Variants in ADAMTSL3 observed in about 807,000 individuals in gnomAD.
ADAMTSL3 encodes ADAMTS-like protein 3.
In ADAMTSL3, 128 loss-of-function variants were observed where a neutral mutation model predicts 201.7. The ratio of observed to expected loss-of-function variants is 0.63; its 90% confidence interval spans 0.55 to 0.73. The LOEUF (loss-of-function observed/expected upper bound fraction) is 0.73, where lower values mean the gene tolerates loss of function less well. Ranked by LOEUF, ADAMTSL3 falls within the 30% of genes least tolerant of loss-of-function variation. The pLI, the probability that ADAMTSL3 is intolerant of heterozygous loss-of-function variation, is 0.00. For missense variants in ADAMTSL3, 1,990 were observed against 2,119.6 expected (o/e 0.94, Z 1.20); for synonymous variants, 738 against 748.4 (o/e 0.99, Z 0.23).
intron 3 of ADAMTSL3, among the ~76,000 whole-genome samples, chr15:83,752,593 T>C (rs2062654463): frequency 6.6e-6 from 1 of 152,228 alleles, no homozygotes; most frequent in Non-Finnish European, 1.5e-5. Context: ...TATATCTTTC[T>C]AATGTCTATT....
rs774569955 is a variant in ADAMTSL3 at position 83,991,083 on chromosome 15, A to C, written c.3845-3A>C. 6.2e-7 allele frequency: 1 copy of C among 1,614,200 alleles called. No homozygotes were observed. Among genetic ancestry groups the C allele is most frequent in the Non-Finnish European group, 8.5e-7 (1 of 1,180,012 alleles). On this transcript the variant is annotated splice_polypyrimidine_tract_variant and splice_region_variant and intron_variant, in intron 22 of 29. Transcript: ENST00000286744. The stretch of plus-strand genomic sequence containing the variant: ...CATAGTTTCCTGCTCCCTTTGAATT[A>C]AGAGGCACCTGTCATCTTGTCTGTT...
chr15:83,949,194 C>T (rs1402399235), intron 19 of ADAMTSL3, among the ~76,000 whole-genome samples: 1 of 152,024 alleles, frequency 6.6e-6, no homozygotes, highest in Non-Finnish European at 1.5e-5. Context: ...CATCCTTCTA[C>T]TCTCTATCTC....
chr15:83,801,637 A>AATATATAT lies in ADAMTSL3; in HGVS notation c.318-3006_318-3005insTATATATA, dbSNP rs1212487067. ...AGGTCAATGAAATTTTATATATATAAATATATAAATATAAATATATATATA... is the reference window on the plus strand; with the variant it reads ...AGGTCAATGAAATTTTATATATATAAATATATATATATATAAATATAAATATATATATA... On this transcript the variant is annotated intron_variant, in intron 4 of 29. Coordinates refer to ENST00000286744, the MANE Select transcript of ADAMTSL3 (RefSeq NM_207517.3). Among the ~76,000 whole-genome samples the AATATATAT allele has an allele frequency of 9.4e-5, 5 of 53,330 alleles. No individual in the cohort carries two copies. In the South Asian group the frequency reaches 2.0e-3, roughly 21 times the overall value. The allele number at this position is 53,330 out of a possible 152,430, so 35.0% of individuals were successfully genotyped here.
intron 15 of ADAMTSL3, among the ~76,000 whole-genome samples, chr15:83,907,535 A>T (rs1430933770): frequency 1.3e-5 from 2 of 152,112 alleles, no homozygotes; most frequent in Admixed American, 1.3e-4. Context: ...TAGTAGCTAG[A>T]ACTGCAGGCA....
intron 2 of ADAMTSL3, among the ~76,000 whole-genome samples, chr15:83,695,255 T>TATGGATG (rs2061671594): frequency 4.6e-3 from 1 of 216 alleles, no homozygotes; most frequent in Non-Finnish European, 9.4e-3. Context: ...TGTGTGTGTG[T>TATGGATG]GTGTGTGGTG....
At chr15:83,927,600 A>C (rs2066273055) in intron 17 of ADAMTSL3, among the ~76,000 whole-genome samples, 1 of 152,238 alleles carries the variant, frequency 6.6e-6, no homozygotes, top group African/African-American at 2.4e-5. Context: ...GAAATGTGCT[A>C]ATAAATATAT....
chr15:84,027,336 T>A (rs2068327914), intron 27 of ADAMTSL3, among the ~76,000 whole-genome samples: 1 of 152,192 alleles, frequency 6.6e-6, no homozygotes, highest in African/African-American at 2.4e-5. Context: ...AATGTTAGAT[T>A]AGATCTATTA....
chr15:84,036,567 G>A (rs954010404), intron 28 of ADAMTSL3, among the ~76,000 whole-genome samples: 8 of 152,124 alleles, frequency 5.3e-5, no homozygotes, highest in African/African-American at 1.9e-4. Context: ...CTAAGCAGGC[G>A]CACTCCACCC....
At chr15:83,804,524 G>A (rs1040073576) in intron 4 of ADAMTSL3, 126 bp from the exon 5 acceptor site, 2 of 620,356 alleles carry the variant, frequency 3.2e-6, no homozygotes, top group South Asian at 2.2e-5. Context: ...AATCTTTGGG[G>A]TAATGTGCAC....
intron 3 of ADAMTSL3, among the ~76,000 whole-genome samples, chr15:83,741,553 G>C (rs955888992): frequency 1.3e-5 from 2 of 152,066 alleles, no homozygotes; most frequent in Non-Finnish European, 2.9e-5. Context: ...AAAGACATGT[G>C]AAATTATAAG....
At position 83,688,777 on chromosome 15, in the gene ADAMTSL3, CACACAT is replaced by C. The variant is rs774802422; in HGVS notation, c.70-15606_70-15601del. On this transcript the variant is annotated intron_variant, in intron 2 of 29. Coordinates refer to ENST00000286744, the MANE Select transcript of ADAMTSL3 (RefSeq NM_207517.3). The stretch of plus-strand genomic sequence containing the variant: ...ATATACACACACACACACACACACA[CACACAT>C]ACACACACACACATGCCTGATTTAA... Among the ~76,000 whole-genome samples, 277 of 151,702 alleles carry C rather than the reference CACACAT, an allele frequency of 1.8e-3. 1 individual carries two copies. The highest frequency in any genetic ancestry group is 3.4e-3 in the Middle Eastern group (1 of 294).
rs1405029999 is a variant in ADAMTSL3 at position 83,823,957 on chromosome 15, TCTTCTTCTTCTTCTTCTCCTC to T, written c.600+3913_600+3933del. On this transcript the variant is annotated intron_variant, in intron 6 of 29. Transcript: ENST00000286744. ...TTCTTCTTCTTCTTCTTCTTCTTCT[TCTTCTTCTTCTTCTTCTCCTC>T]CTCCTCCTCCTCCTTCTCCTTCTTC... 2.4e-4 allele frequency among the ~76,000 whole-genome samples: 16 copies of T among 66,482 alleles called. No individual in the cohort carries two copies. In the East Asian group the frequency reaches 3.4e-3, roughly 14 times the overall value. The allele number at this position is 66,482 out of a possible 152,430, so 43.6% of individuals were successfully genotyped here.
intron 23 of ADAMTSL3, among the ~76,000 whole-genome samples, chr15:84,003,722 ACT>A (rs897665873): frequency 4.1e-4 from 63 of 152,062 alleles, no homozygotes; most frequent in African/African-American, 1.5e-3. Context: ...GCCCTCCAAG[ACT>A]CTCTGCTTTT....
intron 5 of ADAMTSL3, 37 bp downstream of exon 5, chr15:83,804,732 T>C (rs776422155): frequency 2.7e-6 from 4 of 1,477,086 alleles, no homozygotes; most frequent in African/African-American, 2.8e-5. Context: ...TCCAATACAA[T>C]ATGTGCTTGT....
At chr15:83,882,341 AC>A (rs2141859768) in intron 9 of ADAMTSL3, among the ~76,000 whole-genome samples, 1 of 152,062 alleles carries the variant, frequency 6.6e-6, no homozygotes, top group East Asian at 1.9e-4. Context: ...CGTTACCATA[AC>A]CCTGCCTCTC....
intron 3 of ADAMTSL3, among the ~76,000 whole-genome samples, chr15:83,707,641 A>G (rs1250249286): frequency 6.6e-6 from 1 of 152,188 alleles, no homozygotes; most frequent in Non-Finnish European, 1.5e-5. Context: ...TCAGACTTTT[A>G]TCAGTATTAC....
intron 17 of ADAMTSL3, among the ~76,000 whole-genome samples, chr15:83,940,707 T>A (rs2066543493): frequency 6.6e-6 from 1 of 152,250 alleles, no homozygotes; most frequent in African/African-American, 2.4e-5. Context: ...TATTTAGAAT[T>A]TATACTTTCA....
intron 22 of ADAMTSL3, 63 bp downstream of exon 22, chr15:83,988,881 TTATTTA>T: frequency 1.9e-6 from 2 of 1,053,672 alleles, no homozygotes; most frequent in Non-Finnish European, 2.4e-6. Context: ...ATTTATTTAT[TTATTTA>T]TTTTTTTTTT....
At chr15:83,904,607 A>G (rs967437617) in intron 15 of ADAMTSL3, among the ~76,000 whole-genome samples, 9 of 152,220 alleles carry the variant, frequency 5.9e-5, no homozygotes, top group African/African-American at 2.2e-4. Context: ...ATTATAGTGT[A>G]TAAATCTAAG....
Sources: allele counts gnomAD v4.1 joint callset (sites outside exome capture counted in the v4.1 genomes callset), GRCh38; gene constraint gnomAD v4.1.1; transcripts MANE v1.5; gene names NCBI Gene and HGNC (gene_info 2026-07-23, HGNC 2026-07-21).